The following CAMTA1 variants were observed in gnomAD, a reference collection of about 807,000 sequenced individuals.
CAMTA1 encodes the protein calmodulin-binding transcription activator 1.
Under a neutral mutation model 170.9 loss-of-function variants are expected in CAMTA1, and 27 were observed. That is an observed-to-expected ratio of 0.16 (90% CI 0.12 to 0.22). CAMTA1 has a LOEUF of 0.22. Ranked by LOEUF, CAMTA1 falls within the 10% of genes least tolerant of loss-of-function variation. The pLI is 1.00. For missense variants in CAMTA1, 1,619 were observed against 2,217.2 expected (o/e 0.73, Z 5.42); for synonymous variants, 833 against 891.5 (o/e 0.93, Z 1.17).
At chr1:6,802,655 G>A (rs1385233666) in intron 1 of CAMTA1, among the ~76,000 whole-genome samples, 5 of 152,144 alleles carry the variant, frequency 3.3e-5, no homozygotes, top group African/African-American at 1.2e-4. Context: ...AAGTGTCCTT[G>A]GTCAGCCAGC....
rs1006358075 is a variant in CAMTA1 at position 7,333,877 on chromosome 1, A to AT, written c.438+84260dup. Among the ~76,000 whole-genome samples, 10 of 151,766 alleles carry AT rather than the reference A, an allele frequency of 6.6e-5. 1 individual carries two copies. The highest frequency in any genetic ancestry group is 5.8e-4 in the East Asian group (3 of 5,176). On this transcript the variant is annotated intron_variant, in intron 5 of 22. Transcript: ENST00000303635. The surrounding 1 kb of genome is among the most constrained non-coding windows in gnomAD (Gnocchi z 4.4). ...ATGGGCATTCCAGTGAAATGGAGGA[A>AT]TTTTTTTTTATTACTTACATTTATC...
chr1:7,281,423 C>T (rs1056611367), intron 5 of CAMTA1, among the ~76,000 whole-genome samples: 1 of 152,094 alleles, frequency 6.6e-6, no homozygotes, highest in Non-Finnish European at 1.5e-5. Flanking sequence ...GGTAGATGTC[C>T]TGAAAAATTG....
intron 5 of CAMTA1, among the ~76,000 whole-genome samples, chr1:7,376,282 C>T (rs937745324): frequency 6.6e-6 from 1 of 152,238 alleles, no homozygotes; most frequent in Non-Finnish European, 1.5e-5. Flanking sequence ...AGCACATGGC[C>T]CTGCTCTGGC....
At chr1:6,878,565 A>G (rs1465344266) in intron 3 of CAMTA1, among the ~76,000 whole-genome samples, 2 of 152,318 alleles carry the variant, frequency 1.3e-5, no homozygotes, top group Non-Finnish European at 2.9e-5. Context: ...AGTGACCTTA[A>G]TGGTCAATTG....
chr1:7,383,408 T>TGCCAGTTAGATTCAA (rs2087575643), intron 5 of CAMTA1, among the ~76,000 whole-genome samples: 1 of 152,220 alleles, frequency 6.6e-6, no homozygotes, highest in Non-Finnish European at 1.5e-5. Context: ...CAGACTCCGG[T>TGCCAGTTAGATTCAA]GCCAGTTAGA....
At chr1:7,430,446 A>G (rs1201693232) in intron 5 of CAMTA1, among the ~76,000 whole-genome samples, 2 of 151,594 alleles carry the variant, frequency 1.3e-5, no homozygotes, top group Non-Finnish European at 2.9e-5. Flanking sequence ...GACAGTGATA[A>G]TAACGATGGT....
Position 7,528,948 on chromosome 1 carries a change from G to A in CAMTA1, c.510+61047G>A, listed in dbSNP as rs368278657. Among the ~76,000 whole-genome samples, 6 of 152,074 alleles carry A rather than the reference G, an allele frequency of 3.9e-5. No individual in the cohort carries two copies. In the East Asian group the frequency reaches 5.8e-4, roughly 15 times the overall value. ...TCCCCTGTGTAGGGTAGAAACTCCT[G>A]CACAGGGTTGGTGCCAGTAACTAGT... On this transcript the variant is annotated intron_variant, in intron 6 of 22. Coordinates refer to ENST00000303635, the MANE Select transcript of CAMTA1 (RefSeq NM_015215.4).
intron 11 of CAMTA1, among the ~76,000 whole-genome samples, chr1:7,713,567 G>GT (rs1237057614): frequency 2.6e-5 from 4 of 152,132 alleles, no homozygotes; most frequent in African/African-American, 9.7e-5. Flanking sequence ...GTGTAAATGT[G>GT]TTTGTGTTTC....
rs901742915 is a variant in CAMTA1 at position 7,321,943 on chromosome 1, T to C, written c.438+72317T>C. ...TAGTAGGGAAATTGGGAACATATCT[T>C]GAGTCGAGGCACCAGTTACCTTGCA... On this transcript the variant is annotated intron_variant, in intron 5 of 22. Coordinates refer to ENST00000303635, the MANE Select transcript of CAMTA1 (RefSeq NM_015215.4). Among the ~76,000 whole-genome samples, 11 of 152,306 alleles carry C rather than the reference T, an allele frequency of 7.2e-5. No homozygotes were observed. The East Asian group carries it at 2.1e-3, about 29-fold the overall frequency.
chr1:7,583,224 G>T (rs1372375140), intron 6 of CAMTA1, among the ~76,000 whole-genome samples: 1 of 152,062 alleles, frequency 6.6e-6, no homozygotes, highest in Non-Finnish European at 1.5e-5. Flanking sequence ...CATTGCATGG[G>T]GGTGTGTGGA....
chr1:7,766,063 C>G (rs1445713263), intron 22 of CAMTA1, among the ~76,000 whole-genome samples: 2 of 149,500 alleles, frequency 1.3e-5, no homozygotes, highest in African/African-American at 4.9e-5. Flanking sequence ...AATGCATGTA[C>G]AGTTTCCCTA....
intron 6 of CAMTA1, among the ~76,000 whole-genome samples, chr1:7,621,068 T>C (rs561321093): frequency 2.6e-4 from 39 of 151,950 alleles, no homozygotes; most frequent in Non-Finnish European, 4.4e-4. Context: ...TTCCGTCCAA[T>C]GCTGGGAAGA....
intron 4 of CAMTA1, among the ~76,000 whole-genome samples, chr1:7,183,082 C>T (rs976701230): frequency 6.6e-6 from 1 of 152,182 alleles, no homozygotes; most frequent in Non-Finnish European, 1.5e-5. Context: ...TGTTTTGGCT[C>T]ACAGTTCTGC....
chr1:7,458,606 G>A (rs988479108), intron 5 of CAMTA1, among the ~76,000 whole-genome samples: 1 of 152,210 alleles, frequency 6.6e-6, no homozygotes, highest in Non-Finnish European at 1.5e-5. Flanking sequence ...GCAGTGTTAA[G>A]GGGCTGTTTT....
At chr1:6,905,013 C>G (rs956818986) in intron 3 of CAMTA1, among the ~76,000 whole-genome samples, 1 of 151,988 alleles carries the variant, frequency 6.6e-6, no homozygotes, top group Non-Finnish European at 1.5e-5. Context: ...CAGTGGCCCA[C>G]GCTTGCCACT....
At chr1:7,136,810 C>T (rs1645571195) in intron 4 of CAMTA1, among the ~76,000 whole-genome samples, 1 of 152,230 alleles carries the variant, frequency 6.6e-6, no homozygotes, top group Non-Finnish European at 1.5e-5. Context: ...CTGGCTCCTT[C>T]CTCAGAGACT....
At chr1:7,474,549 G>A (rs999504171) in intron 6 of CAMTA1, among the ~76,000 whole-genome samples, 7 of 152,196 alleles carry the variant, frequency 4.6e-5, no homozygotes, top group East Asian at 1.9e-4. Context: ...CCTGAATCCC[G>A]GAGAAAGCGT....
intron 11 of CAMTA1, among the ~76,000 whole-genome samples, chr1:7,700,394 T>A (rs2096426508): frequency 6.6e-6 from 1 of 152,246 alleles, no homozygotes; most frequent in South Asian, 2.1e-4. Flanking sequence ...TATTTTTAAA[T>A]TGTCACTTAG....
chr1:7,688,224 C>G (rs1230577950), intron 11 of CAMTA1, among the ~76,000 whole-genome samples: 1 of 151,906 alleles, frequency 6.6e-6, no homozygotes. Flanking sequence ...AGGCTGGTCT[C>G]GAACTCCTGA....
Sources: allele counts gnomAD v4.1 joint callset (sites outside exome capture counted in the v4.1 genomes callset), GRCh38; gene constraint gnomAD v4.1.1; non-coding constraint Gnocchi (gnomAD v3.1); transcripts MANE v1.5; gene names NCBI Gene and HGNC (gene_info 2026-07-23, HGNC 2026-07-21).